EGFR: variants seen among roughly 807,000 people sequenced by gnomAD.
The protein encoded by EGFR is epidermal growth factor receptor.
EGFR carries 58 observed loss-of-function variants against 143.0 expected under a neutral mutation model. The observed-to-expected ratio is 0.41, with a 90% CI of 0.33 to 0.50. The LOEUF (loss-of-function observed/expected upper bound fraction) is 0.50. Ranked by LOEUF, EGFR falls within the 20% of genes least tolerant of loss-of-function variation. EGFR has a pLI of 0.39. For synonymous variants in EGFR, 613 were observed against 594.4 expected (o/e 1.03, Z -0.45); for missense variants, 1,307 against 1,579.0 (o/e 0.83, Z 2.92).
intron 1 of EGFR, among the ~76,000 whole-genome samples, chr7:55,025,075 G>T (rs1221351214): frequency 6.6e-6 from 1 of 152,248 alleles, no homozygotes; most frequent in Non-Finnish European, 1.5e-5. Context: ...GGCAGGAAGA[G>T]AAGGAATAAA....
chr7:55,177,089 A>C (rs957799951), intron 19 of EGFR, among the ~76,000 whole-genome samples: 14 of 151,806 alleles, frequency 9.2e-5, no homozygotes, highest in Admixed American at 8.5e-4. Flanking sequence ...CACTGCGGCC[A>C]TGTCCCCCCT....
rs1443867806 is a variant in EGFR at position 55,206,439 on chromosome 7, A to T, written c.*822A>T. On this transcript the variant is annotated 3_prime_UTR_variant, in exon 28 of 28. Transcript: ENST00000275493. Reference sequence around the variant, plus strand: ...ATCAGCAAGAGAGGATGACACATCAAATAATAACTCGGATTCCAGCCCACA... The same window carrying T: ...ATCAGCAAGAGAGGATGACACATCATATAATAACTCGGATTCCAGCCCACA... 4.3e-6 allele frequency: 1 copy of T among 233,210 alleles called. No individual in the cohort carries two copies. Among genetic ancestry groups the T allele is most frequent in the Non-Finnish European group, 8.5e-6 (1 of 118,084 alleles). The allele number at this position is 233,210 out of a possible 1,614,324, so 14.4% of individuals were successfully genotyped here.
At chr7:55,046,874 G>T (rs919490095) in intron 1 of EGFR, among the ~76,000 whole-genome samples, 1 of 152,072 alleles carries the variant, frequency 6.6e-6, no homozygotes, top group Non-Finnish European at 1.5e-5. Context: ...GGAAAGCAGG[G>T]TACTTGCTGC....
At chr7:55,097,016 A>T (rs1791517062) in intron 1 of EGFR, among the ~76,000 whole-genome samples, 1 of 152,180 alleles carries the variant, frequency 6.6e-6, no homozygotes, top group Non-Finnish European at 1.5e-5. Flanking sequence ...TTCCCTAGTA[A>T]GGAGACTGAA....
chr7:55,152,695 G>T (rs1460679070), intron 6 of EGFR, 31 bp downstream of exon 6: 2 of 1,595,452 alleles, frequency 1.3e-6, no homozygotes, highest in Non-Finnish European at 1.7e-6. Flanking sequence ...CCTCCCTGGA[G>T]CAGGCTGGGG....
At chr7:55,092,542 ACT>A (rs768840619) in intron 1 of EGFR, among the ~76,000 whole-genome samples, 49 of 152,136 alleles carry the variant, frequency 3.2e-4, no homozygotes, top group Non-Finnish European at 6.0e-4. Flanking sequence ...AAATAAAATG[ACT>A]CTGATTTTCA....
intron 1 of EGFR, among the ~76,000 whole-genome samples, chr7:55,102,663 T>C (rs1307468663): frequency 6.6e-6 from 1 of 152,226 alleles, no homozygotes; most frequent in African/African-American, 2.4e-5. Context: ...GGAAAAAACA[T>C]TTTTCAACTC....
rs901965819 is a variant in EGFR, at chr7:55,211,298, C to A, written c.*5681C>A. 19 of 152,188 alleles carry A rather than the reference C, an allele frequency of 1.2e-4. No individual in the cohort carries two copies. The highest frequency in any genetic ancestry group is 4.6e-4 in the African/African-American group (19 of 41,432). 9.4% of individuals were successfully genotyped at this position (152,188 alleles called of 1,614,324 possible). A position where few individuals can be genotyped will look rare whatever the true frequency, so the allele number is the denominator to read the frequency against. Reference sequence around the variant, plus strand: ...AAATAATCTTGCTGTACAATACAATCTCTTGGAAATTAAGAGATCCTATGG... The same window carrying A: ...AAATAATCTTGCTGTACAATACAATATCTTGGAAATTAAGAGATCCTATGG... On this transcript the variant is annotated 3_prime_UTR_variant, in exon 28 of 28. Transcript: ENST00000275493.
intron 16 of EGFR, 23 bp downstream of exon 16, chr7:55,171,236 C>CA: frequency 6.2e-7 from 1 of 1,614,192 alleles, no homozygotes; most frequent in South Asian, 1.1e-5. Context: ...AGCTCTGTGT[C>CA]ACATGGACCT....
intron 1 of EGFR, among the ~76,000 whole-genome samples, chr7:55,100,509 C>T (rs1791747074): frequency 6.6e-6 from 1 of 152,234 alleles, no homozygotes; most frequent in South Asian, 2.1e-4. Context: ...GAAATTCTTC[C>T]CCTACGAGAG....
intron 7 of EGFR, 145 bp from the exon 8 acceptor site, chr7:55,155,685 C>T (rs1453233619): frequency 2.6e-6 from 2 of 759,016 alleles, no homozygotes; most frequent in Non-Finnish European, 4.8e-6. Context: ...CTATTTGCAA[C>T]CTTTCATTCT....
intron 15 of EGFR, chr7:55,170,163 C>T (rs1227899319): frequency 6.2e-6 from 9 of 1,453,718 alleles, no homozygotes; most frequent in Non-Finnish European, 8.4e-6. Context: ...GAGGGAGCAC[C>T]CAGACCCCCA....
At chr7:55,169,099 A>T (rs1176264454) in intron 15 of EGFR, among the ~76,000 whole-genome samples, 14 of 145,708 alleles carry the variant, frequency 9.6e-5, no homozygotes, top group East Asian at 2.1e-4. Context: ...AGGAATAGCT[A>T]TTTCTTTTTT....
At chr7:55,046,178 C>A (rs1034320570) in intron 1 of EGFR, among the ~76,000 whole-genome samples, 2 of 152,092 alleles carry the variant, frequency 1.3e-5, no homozygotes, top group South Asian at 2.1e-4. Context: ...AGAAACATGT[C>A]GCATGCTCTT....
chr7:55,200,101 T>C (rs1032536651), intron 23 of EGFR, among the ~76,000 whole-genome samples: 11 of 152,210 alleles, frequency 7.2e-5, no homozygotes, highest in South Asian at 2.1e-4. Flanking sequence ...GAGGGCATTA[T>C]TGTTATTCTG....
rs75720493 is a variant in EGFR, at chr7:55,141,864, A to C, written c.89-422A>C. Reference sequence around the variant, plus strand: ...TTATATTCGTGAAATACCTTGTGAAATTTATTTTTTGCCTACTGGAGCTCT... The same window carrying C: ...TTATATTCGTGAAATACCTTGTGAACTTTATTTTTTGCCTACTGGAGCTCT... On this transcript the variant is annotated intron_variant, in intron 1 of 27. Transcript: ENST00000275493. 1.4e-3 allele frequency among the ~76,000 whole-genome samples: 217 copies of C among 152,288 alleles called. 3 individuals are homozygous for C. The highest frequency in any genetic ancestry group is 5.1e-3 in the African/African-American group (211 of 41,558).
intron 1 of EGFR, among the ~76,000 whole-genome samples, chr7:55,124,143 T>C (rs927159412): frequency 2.0e-5 from 3 of 152,224 alleles, no homozygotes; most frequent in Non-Finnish European, 4.4e-5. Context: ...AAAACTTTTC[T>C]CCCTATCAGT....
At chr7:55,145,891 C>A (rs558119399) in intron 3 of EGFR, among the ~76,000 whole-genome samples, 1 of 152,164 alleles carries the variant, frequency 6.6e-6, no homozygotes. Context: ...ATCCTCGCAG[C>A]GCCCACAGCA....
intron 27 of EGFR, among the ~76,000 whole-genome samples, chr7:55,203,275 A>G (rs116958628): frequency 0.041 from 6,195 of 150,204 alleles, 161 homozygotes; most frequent in South Asian, 0.075. Context: ...CCACACATAC[A>G]CCACAAAAAC....
Sources: gnomAD v4.1 joint callset for allele counts (sites outside exome capture counted in the v4.1 genomes callset) on GRCh38, gnomAD v4.1.1 for gene constraint, MANE v1.5 for transcripts, NCBI Gene and HGNC (gene_info 2026-07-23, HGNC 2026-07-21) for gene names.